Variants in MEGF11 observed in about 807,000 individuals in gnomAD.
MEGF11 encodes multiple EGF like domains 11.
Under a neutral mutation model 146.6 loss-of-function variants are expected in MEGF11, and 126 were observed. The ratio of observed to expected loss-of-function variants is 0.86; its 90% confidence interval spans 0.74 to 1.00. MEGF11 has a LOEUF of 1.00. MEGF11 is among the 50% of genes least tolerant of loss of function. The pLI, the probability that MEGF11 is intolerant of heterozygous loss-of-function variation, is 0.00. For missense variants in MEGF11, 1,509 were observed against 1,521.2 expected (o/e 0.99, Z 0.13); for synonymous variants, 532 against 583.4 (o/e 0.91, Z 1.27).
chr15:66,234,322 T>C (rs1033620754), intron 1 of MEGF11, among the ~76,000 whole-genome samples: 1 of 152,182 alleles, frequency 6.6e-6, no homozygotes, highest in African/African-American at 2.4e-5. Context: ...AGGACCTAGA[T>C]TCTTATTATT....
intron 1 of MEGF11, among the ~76,000 whole-genome samples, chr15:66,173,812 G>C (rs2090324548): frequency 6.6e-6 from 1 of 152,304 alleles, no homozygotes; most frequent in African/African-American, 2.4e-5. Context: ...TCACTGCAGG[G>C]AAAAGGCCCT....
intron 1 of MEGF11, among the ~76,000 whole-genome samples, chr15:66,147,326 T>C (rs1033825137): frequency 6.6e-6 from 1 of 152,174 alleles, no homozygotes; most frequent in African/African-American, 2.4e-5. Flanking sequence ...AGTAAAGCCA[T>C]GCCCTTCATC....
intron 5 of MEGF11, among the ~76,000 whole-genome samples, chr15:66,093,167 C>T (rs1048732420): frequency 2.0e-5 from 3 of 152,134 alleles, no homozygotes; most frequent in Non-Finnish European, 2.9e-5. Flanking sequence ...TCTTGGATAC[C>T]TCAAACAGAT....
rs781511759 is a variant in MEGF11 at position 66,243,629 on chromosome 15, G to A, written c.-9+9976C>T. Among the ~76,000 whole-genome samples, 138 of 152,328 alleles carry A rather than the reference G, an allele frequency of 9.1e-4. 2 individuals carry two copies. The highest frequency in any genetic ancestry group is 6.8e-4 in the Non-Finnish European group (46 of 68,020). On this transcript the variant is annotated intron_variant, in intron 1 of 25. Coordinates refer to ENST00000395614, the MANE Select transcript of MEGF11 (RefSeq NM_001385028.1). ...CTCCCTTTCCAAATTAATATTCATGGAGACTGGCATGCCATTTATTTGCAT... is the reference window on the plus strand; with the variant it reads ...CTCCCTTTCCAAATTAATATTCATGAAGACTGGCATGCCATTTATTTGCAT...
chr15:65,959,132 C>T (rs1196925627), intron 9 of MEGF11, among the ~76,000 whole-genome samples: 2 of 152,162 alleles, frequency 1.3e-5, no homozygotes, highest in Non-Finnish European at 2.9e-5. Flanking sequence ...ATTCTTTATT[C>T]TTTTCTACTG....
chr15:65,966,520 T>C (rs1038488165), intron 8 of MEGF11, among the ~76,000 whole-genome samples: 2 of 152,188 alleles, frequency 1.3e-5, no homozygotes, highest in Admixed American at 6.5e-5. Context: ...CTGGGAGACA[T>C]ATCTCCTCCC....
At chr15:65,906,188 T>G in intron 23 of MEGF11, 47 bp from the exon 24 acceptor site, 1 of 1,392,340 alleles carries the variant, frequency 7.2e-7, no homozygotes, top group Non-Finnish European at 1.0e-6. Flanking sequence ...GGGTGAGGTT[T>G]ACTTAGACTG....
chr15:66,123,852 G>C lies in MEGF11; in HGVS notation c.200+47C>G, dbSNP rs747882088. 23 of 1,503,970 alleles carry C rather than the reference G, an allele frequency of 1.5e-5. No homozygotes were observed. The East Asian group carries it at 5.0e-4, about 32-fold the overall frequency. The allele number at this position is 1,503,970 out of a possible 1,614,324, so 93.2% of individuals were successfully genotyped here. On this transcript the variant is annotated intron_variant, in intron 3 of 25. Coordinates refer to ENST00000395614, the MANE Select transcript of MEGF11 (RefSeq NM_001385028.1). The stretch of plus-strand genomic sequence containing the variant: ...TAACTTGCACAGAGGCAAGCCCTGA[G>C]AGCCCAGTGCCTTTTCCCTGCCCCA...
At chr15:66,161,040 C>T (rs538708545) in intron 1 of MEGF11, among the ~76,000 whole-genome samples, 13 of 152,068 alleles carry the variant, frequency 8.5e-5, no homozygotes, top group South Asian at 2.1e-4. Context: ...GAGGCAGGCC[C>T]GTGGCTCGTG....
intron 3 of MEGF11, among the ~76,000 whole-genome samples, chr15:66,121,493 G>C (rs1205911571): frequency 6.6e-6 from 1 of 152,212 alleles, no homozygotes; most frequent in Non-Finnish European, 1.5e-5. Flanking sequence ...AGGCACTTGA[G>C]GGAGGACAAA....
chr15:65,965,134 G>C lies in MEGF11; in HGVS notation c.900-14C>G. 1 of 1,561,622 alleles carries C rather than the reference G, an allele frequency of 6.4e-7. No individual in the cohort carries two copies. Among genetic ancestry groups the C allele is most frequent in the Non-Finnish European group, 8.7e-7 (1 of 1,147,262 alleles). The stretch of plus-strand genomic sequence containing the variant: ...TCCTCTTGGCACCTGTGGGAGAGCA[G>C]AGTGGGGCTGAGGCTGTGGGCCAGG... On this transcript the variant is annotated splice_polypyrimidine_tract_variant and intron_variant, in intron 8 of 25. Transcript: ENST00000395614.
intron 5 of MEGF11, among the ~76,000 whole-genome samples, chr15:65,989,718 A>G (rs1404364749): frequency 6.6e-6 from 1 of 152,202 alleles, no homozygotes; most frequent in Non-Finnish European, 1.5e-5. Flanking sequence ...GTCAGAGCCA[A>G]TGCTGGGTAC....
intron 1 of MEGF11, among the ~76,000 whole-genome samples, chr15:66,155,255 C>G (rs1051922091): frequency 9.0e-5 from 13 of 144,532 alleles, no homozygotes; most frequent in South Asian, 4.2e-4. Context: ...CATGGTGATG[C>G]CCCCCACCCC....
At chr15:65,996,630 C>T (rs370311847) in intron 5 of MEGF11, among the ~76,000 whole-genome samples, 8 of 152,056 alleles carry the variant, frequency 5.3e-5, no homozygotes, top group African/African-American at 1.2e-4. Flanking sequence ...GGATTACAGG[C>T]GTGAGCCATC....
At chr15:65,917,727 C>T (rs937430051) in intron 16 of MEGF11, among the ~76,000 whole-genome samples, 5 of 152,204 alleles carry the variant, frequency 3.3e-5, no homozygotes, top group African/African-American at 1.2e-4. Context: ...TCTCAGAATT[C>T]ATAGCATTAA....
chr15:65,938,760 A>G (rs1181426932), intron 10 of MEGF11, among the ~76,000 whole-genome samples: 7 of 152,250 alleles, frequency 4.6e-5, no homozygotes, highest in Non-Finnish European at 8.8e-5. Flanking sequence ...CGCTGGTCCC[A>G]CTAAAGATGC....
intron 4 of MEGF11, among the ~76,000 whole-genome samples, chr15:66,112,343 A>G (rs2087471851): frequency 6.6e-6 from 1 of 152,232 alleles, no homozygotes; most frequent in African/African-American, 2.4e-5. Context: ...GCACTCCTAG[A>G]AATGAAAAAA....
At chr15:66,054,511 C>G (rs1454029856) in intron 5 of MEGF11, among the ~76,000 whole-genome samples, 3 of 152,204 alleles carry the variant, frequency 2.0e-5, no homozygotes, top group African/African-American at 7.2e-5. Context: ...GGCTTCTTCA[C>G]TTGGCAAACT....
At chr15:66,130,179 A>G (rs4776738) in intron 1 of MEGF11, among the ~76,000 whole-genome samples, 152,277 of 152,298 alleles carry the variant, frequency 1, 76,128 homozygotes, top group Middle Eastern at 1. Context: ...AACCTAGAGC[A>G]GAGAAAGAGC....
Sources: allele counts gnomAD v4.1 joint callset (sites outside exome capture counted in the v4.1 genomes callset), GRCh38; gene constraint gnomAD v4.1.1; transcripts MANE v1.5; gene names NCBI Gene and HGNC (gene_info 2026-07-23, HGNC 2026-07-21).